CACNA2D3: variants seen among roughly 807,000 people sequenced by gnomAD.
CACNA2D3 encodes the protein voltage-dependent calcium channel subunit alpha-2/delta-3.
Under a neutral mutation model 160.6 loss-of-function variants are expected in CACNA2D3, and 60 were observed. The observed-to-expected ratio is 0.37, with a 90% CI of 0.30 to 0.46. The LOEUF is 0.46. Ranked by LOEUF, CACNA2D3 falls within the 20% of genes least tolerant of loss-of-function variation. CACNA2D3 has a pLI of 1.00. For synonymous variants in CACNA2D3, 558 were observed against 492.9 expected, an observed-to-expected ratio of 1.13 and a Z score of -1.75; for missense variants, 1,205 against 1,365.0, an observed-to-expected ratio of 0.88 and a Z score of 1.85.
At chr3:54,806,356 C>T (rs1703123047) in intron 13 of CACNA2D3, among the ~76,000 whole-genome samples, 1 of 152,126 alleles carries the variant, frequency 6.6e-6, no homozygotes, top group Non-Finnish European at 1.5e-5. Context: ...TCAGCAAAGT[C>T]TCAGGATACA....
chr3:54,857,392 C>T (rs1699195633), intron 17 of CACNA2D3, among the ~76,000 whole-genome samples: 2 of 152,182 alleles, frequency 1.3e-5, no homozygotes, highest in Non-Finnish European at 2.9e-5. Flanking sequence ...AAGGCTTTCT[C>T]TGGCTTCTGT....
Position 55,018,342 on chromosome 3 carries a change from C to T in CACNA2D3, c.2987+25C>T, listed in dbSNP as rs78296127. 3.6e-3 allele frequency: 5,001 copies of T among 1,386,444 alleles called. 134 individuals are homozygous for T. In the African/African-American group the frequency reaches 0.059, roughly 16 times the overall value. The allele number at this position is 1,386,444 out of a possible 1,614,324, so 85.9% of individuals were successfully genotyped here. ...AGTAAGCCATCCCCCCACCCTCTAACCCCCTACACCTTTCTGCTCAGCACA... is the reference window on the plus strand; with the variant it reads ...AGTAAGCCATCCCCCCACCCTCTAATCCCCTACACCTTTCTGCTCAGCACA... On this transcript the variant is annotated intron_variant, in intron 35 of 37. Transcript: ENST00000474759.
chr3:54,161,994 T>C (rs1437394609), intron 2 of CACNA2D3, among the ~76,000 whole-genome samples: 1 of 152,154 alleles, frequency 6.6e-6, no homozygotes, highest in Non-Finnish European at 1.5e-5. Flanking sequence ...GCCTGGTGAA[T>C]CCTGGAGGGG....
intron 4 of CACNA2D3, among the ~76,000 whole-genome samples, chr3:54,420,378 T>G (rs1431888383): frequency 2.0e-5 from 3 of 152,218 alleles, no homozygotes; most frequent in African/African-American, 7.2e-5. Context: ...CCACCGCACC[T>G]TGTCCCTATT....
intron 5 of CACNA2D3, among the ~76,000 whole-genome samples, chr3:54,517,185 C>T (rs1701565254): frequency 6.6e-6 from 1 of 152,208 alleles, no homozygotes; most frequent in Non-Finnish European, 1.5e-5. Context: ...TCCAGGTCTG[C>T]CTGTTGTCCT....
intron 2 of CACNA2D3, among the ~76,000 whole-genome samples, chr3:54,227,238 G>A (rs1470986416): frequency 1.3e-5 from 2 of 152,110 alleles, no homozygotes; most frequent in African/African-American, 4.8e-5. Context: ...TCACGTTCAG[G>A]ATCTGGGTGT....
chr3:54,592,403 T>C (rs930776365), intron 9 of CACNA2D3, among the ~76,000 whole-genome samples: 1 of 152,216 alleles, frequency 6.6e-6, no homozygotes, highest in African/African-American at 2.4e-5. Flanking sequence ...AGCTATTGTT[T>C]ACTGTCTGGA....
chr3:54,881,523 G>A (rs181511870), intron 21 of CACNA2D3, among the ~76,000 whole-genome samples: 30 of 152,288 alleles, frequency 2.0e-4, no homozygotes, highest in Admixed American at 1.3e-3. Context: ...GCTGTCACAT[G>A]TGCTATCCTT....
intron 27 of CACNA2D3, among the ~76,000 whole-genome samples, chr3:54,926,542 ACACAC>A (rs2106944926): frequency 7.1e-6 from 1 of 140,918 alleles, no homozygotes; most frequent in African/African-American, 2.9e-5. Context: ...ACACACACAC[ACACAC>A]ACACACTCTG....
intron 2 of CACNA2D3, among the ~76,000 whole-genome samples, chr3:54,233,791 G>A (rs1304615328): frequency 6.6e-6 from 1 of 152,084 alleles, no homozygotes; most frequent in Non-Finnish European, 1.5e-5. Context: ...GAAACTATTT[G>A]GTCATCATAC....
At chr3:54,323,570 C>T (rs980269627) in intron 3 of CACNA2D3, among the ~76,000 whole-genome samples, 14 of 151,778 alleles carry the variant, frequency 9.2e-5, no homozygotes, top group Non-Finnish European at 2.1e-4. Context: ...GGGTTCACGC[C>T]TTTCTCCTGC....
chr3:54,926,355 C>T (rs66892778), intron 27 of CACNA2D3, among the ~76,000 whole-genome samples: 65,720 of 151,912 alleles, frequency 0.43, 15,166 homozygotes, highest in East Asian at 0.76. Context: ...TGCCCAAGTT[C>T]ACACAGAGTA....
chr3:54,678,154 G>T (rs1700277001), intron 11 of CACNA2D3, among the ~76,000 whole-genome samples: 1 of 152,154 alleles, frequency 6.6e-6, no homozygotes, highest in Non-Finnish European at 1.5e-5. Flanking sequence ...GAATATCTAG[G>T]CAGTAGGTTT....
At chr3:54,918,744 G>A (rs199678229) in intron 27 of CACNA2D3, 88 of 1,614,152 alleles carry the variant, frequency 5.5e-5, no homozygotes, top group East Asian at 2.0e-4. Flanking sequence ...GGACCACACC[G>A]TGGGCAGAGC....
intron 29 of CACNA2D3, among the ~76,000 whole-genome samples, chr3:54,978,754 CTGT>C (rs1219989841): frequency 6.6e-6 from 1 of 152,184 alleles, no homozygotes; most frequent in Non-Finnish European, 1.5e-5. Context: ...TTACCCATCC[CTGT>C]TGTTTCTTCT....
At chr3:54,488,868 C>T (rs891861947) in intron 4 of CACNA2D3, among the ~76,000 whole-genome samples, 4 of 152,110 alleles carry the variant, frequency 2.6e-5, no homozygotes, top group Non-Finnish European at 4.4e-5. Flanking sequence ...GGGACAGGCT[C>T]GTGAGGCTCC....
chr3:54,352,591 G>C (rs896081075), intron 3 of CACNA2D3, among the ~76,000 whole-genome samples: 1 of 152,194 alleles, frequency 6.6e-6, no homozygotes, highest in African/African-American at 2.4e-5. Context: ...TTCCCAATCG[G>C]ATCAGGCACT....
chr3:54,807,421 A>G (rs1703161823), intron 13 of CACNA2D3, among the ~76,000 whole-genome samples: 1 of 152,244 alleles, frequency 6.6e-6, no homozygotes. Flanking sequence ...TCTCAAAAGA[A>G]GGCATTTATG....
chr3:54,390,564 C>A (rs1699261916), intron 4 of CACNA2D3, among the ~76,000 whole-genome samples: 1 of 152,220 alleles, frequency 6.6e-6, no homozygotes, highest in African/African-American at 2.4e-5. Context: ...ATGCCATTCA[C>A]ACTGGTGCTC....
Sources: allele counts gnomAD v4.1 joint callset (sites outside exome capture counted in the v4.1 genomes callset), GRCh38; gene constraint gnomAD v4.1.1; transcripts MANE v1.5; gene names NCBI Gene and HGNC (gene_info 2026-07-23, HGNC 2026-07-21).